RAPGEF4: variants seen among roughly 807,000 people sequenced by gnomAD.
RAPGEF4 encodes RAP guanine-nucleotide-exchange factor (GEF) 4.
In RAPGEF4, 66 loss-of-function variants were observed where a neutral mutation model predicts 147.9. The ratio of observed to expected loss-of-function variants is 0.45; its 90% CI spans 0.37 to 0.55. The LOEUF is 0.55. RAPGEF4 is among the 20% of genes least tolerant of loss of function. The pLI is 0.00. For missense variants in RAPGEF4, 1,071 were observed against 1,257.3 expected (o/e 0.85, Z 2.24); for synonymous variants, 419 against 442.7 (o/e 0.95, Z 0.67).
chr2:172,996,952 T>C (rs1240754222), intron 16 of RAPGEF4, among the ~76,000 whole-genome samples: 1 of 152,262 alleles, frequency 6.6e-6, no homozygotes, highest in Non-Finnish European at 1.5e-5. Flanking sequence ...TACTTCTCTC[T>C]GCAGTTGTTG....
At chr2:172,768,528 A>T (rs1286246911) in intron 1 of RAPGEF4, among the ~76,000 whole-genome samples, 1 of 152,072 alleles carries the variant, frequency 6.6e-6, no homozygotes, top group African/African-American at 2.4e-5. Context: ...AAAGAAAGAA[A>T]AAAAAGCTGT....
intron 10 of RAPGEF4, among the ~76,000 whole-genome samples, chr2:172,978,799 G>A (rs1051716189): frequency 1.4e-4 from 22 of 152,262 alleles, no homozygotes; most frequent in Middle Eastern, 3.4e-3. Flanking sequence ...AAAACTTTCT[G>A]GTCTGCTGAT....
chr2:173,041,291 G>T (rs899618737), intron 29 of RAPGEF4, among the ~76,000 whole-genome samples: 1 of 152,108 alleles, frequency 6.6e-6, no homozygotes, highest in Admixed American at 6.5e-5. Flanking sequence ...AAAAATCTAC[G>T]TGTTCAAGTC....
chr2:173,044,820 T>A (rs910164512), intron 29 of RAPGEF4, among the ~76,000 whole-genome samples: 2 of 152,210 alleles, frequency 1.3e-5, no homozygotes, highest in Non-Finnish European at 2.9e-5. Context: ...GCTGTCTTAA[T>A]GAGCTATTTG....
chr2:172,846,058 A>G (rs1692148543), intron 4 of RAPGEF4, among the ~76,000 whole-genome samples: 2 of 152,148 alleles, frequency 1.3e-5, no homozygotes, highest in South Asian at 4.1e-4. Flanking sequence ...GTAGCTTATG[A>G]CTCCCTTTGC....
At chr2:172,880,862 G>A (rs1237020327) in intron 4 of RAPGEF4, among the ~76,000 whole-genome samples, 1 of 152,210 alleles carries the variant, frequency 6.6e-6, no homozygotes, top group African/African-American at 2.4e-5. Flanking sequence ...ATGGCACATA[G>A]ATAAATTCAT....
intron 1 of RAPGEF4, chr2:172,744,502 G>C (rs999007020): frequency 6.7e-6 from 3 of 449,390 alleles, no homozygotes; most frequent in African/African-American, 6.0e-5. Flanking sequence ...TTAGGAGTCA[G>C]ACTGTATAGG....
At chr2:172,812,854 T>C (rs1688159280) in intron 3 of RAPGEF4, among the ~76,000 whole-genome samples, 2 of 152,224 alleles carry the variant, frequency 1.3e-5, no homozygotes, top group East Asian at 3.8e-4. Flanking sequence ...ATTGTGAAAG[T>C]CTGTGATTTA....
intron 4 of RAPGEF4, among the ~76,000 whole-genome samples, chr2:172,890,463 G>A (rs1432593550): frequency 1.3e-5 from 2 of 152,158 alleles, no homozygotes; most frequent in Non-Finnish European, 2.9e-5. Context: ...GTAATCATTG[G>A]TTATTTTGGG....
At chr2:172,782,805 C>T (rs1161681904) in intron 1 of RAPGEF4, among the ~76,000 whole-genome samples, 1 of 152,100 alleles carries the variant, frequency 6.6e-6, no homozygotes, top group Non-Finnish European at 1.5e-5. Context: ...TTCAGAGGGA[C>T]AATTATGGTA....
intron 10 of RAPGEF4, among the ~76,000 whole-genome samples, chr2:172,977,537 C>T (rs139775675): frequency 1.1e-4 from 17 of 152,108 alleles, no homozygotes; most frequent in Non-Finnish European, 1.9e-4. Flanking sequence ...CAGCAGCCTC[C>T]GAGAGGCTGG....
chr2:173,039,952 G>A (rs1462261595), intron 29 of RAPGEF4, among the ~76,000 whole-genome samples: 1 of 152,158 alleles, frequency 6.6e-6, no homozygotes, highest in East Asian at 1.9e-4. Context: ...CACTTTGGGA[G>A]GCTGAGGTGG....
intron 8 of RAPGEF4, among the ~76,000 whole-genome samples, chr2:172,963,696 T>C (rs1227374175): frequency 6.6e-6 from 1 of 152,216 alleles, no homozygotes; most frequent in Non-Finnish European, 1.5e-5. Flanking sequence ...TGATTTCTTT[T>C]TTCTGCAGGA....
At chr2:172,921,723 C>A (rs934217817) in intron 5 of RAPGEF4, among the ~76,000 whole-genome samples, 9 of 152,224 alleles carry the variant, frequency 5.9e-5, no homozygotes, top group Non-Finnish European at 1.3e-4. Context: ...CATTAGCCTT[C>A]TAGCTCGGAA....
At chr2:173,014,219 G>A (rs1695292210) in intron 17 of RAPGEF4, among the ~76,000 whole-genome samples, 1 of 152,160 alleles carries the variant, frequency 6.6e-6, no homozygotes, top group Non-Finnish European at 1.5e-5. Context: ...ACCAAGTCCA[G>A]GAGGAGTCTG....
At chr2:172,979,842 A>C (rs1823152) in intron 10 of RAPGEF4, among the ~76,000 whole-genome samples, 143,623 of 152,114 alleles carry the variant, frequency 0.94, 68,364 homozygotes, top group East Asian at 1. Context: ...TATGGTGAAA[A>C]CCCGTCTCTA....
At chr2:172,939,013 G>A (rs1442645455) in intron 6 of RAPGEF4, among the ~76,000 whole-genome samples, 1 of 152,084 alleles carries the variant, frequency 6.6e-6, no homozygotes, top group African/African-American at 2.4e-5. Flanking sequence ...CTTTATCACT[G>A]GATAGTGTTC....
At chr2:172,905,893 C>G (rs952893319) in intron 4 of RAPGEF4, among the ~76,000 whole-genome samples, 65 of 152,306 alleles carry the variant, frequency 4.3e-4, no homozygotes, top group African/African-American at 1.5e-3. Context: ...GAATAACTTG[C>G]CTTAAGAGGT....
chr2:173,028,652 A>T (rs1696890449), intron 25 of RAPGEF4, among the ~76,000 whole-genome samples: 1 of 152,046 alleles, frequency 6.6e-6, no homozygotes, highest in Non-Finnish European at 1.5e-5. Flanking sequence ...AGTTTATGTT[A>T]TTTAACCATT....
Sources: gnomAD v4.1 joint callset for allele counts (sites outside exome capture counted in the v4.1 genomes callset) on GRCh38, gnomAD v4.1.1 for gene constraint, MANE v1.5 for transcripts, NCBI Gene and HGNC (gene_info 2026-07-23, HGNC 2026-07-21) for gene names.